TIAM1: variants seen among roughly 807,000 people sequenced by gnomAD.
TIAM1 encodes the protein TIAM Rac1 associated GEF 1, also known as rho guanine nucleotide exchange factor TIAM1.
A neutral mutation model predicts 163.5 loss-of-function variants in TIAM1; 65 were observed. The observed-to-expected ratio is 0.40, with a 90% CI of 0.33 to 0.49. The LOEUF (loss-of-function observed/expected upper bound fraction) is 0.49, where lower values mean the gene tolerates loss of function less well. Among genes scored for constraint, TIAM1 ranks in the 20% least tolerant of loss-of-function variants. TIAM1 has a pLI of 0.77. For missense variants in TIAM1, 1,789 were observed against 2,044.7 expected (o/e 0.87, Z 2.41); for synonymous variants, 833 against 810.1 (o/e 1.03, Z -0.48).
intron 16 of TIAM1, 58 bp downstream of exon 16, chr21:31,164,904 G>A: frequency 6.5e-7 from 1 of 1,544,538 alleles, no homozygotes; most frequent in South Asian, 1.1e-5. Flanking sequence ...AGGTGACATT[G>A]TCAGCTGTGA....
chr21:31,439,239 T>C (rs2044331759), intron 2 of TIAM1, among the ~76,000 whole-genome samples: 1 of 152,190 alleles, frequency 6.6e-6, no homozygotes. Context: ...CATCTTTCCT[T>C]GAACCCACAG....
At chr21:31,132,851 C>T (rs1024185328) in intron 23 of TIAM1, among the ~76,000 whole-genome samples, 1 of 152,198 alleles carries the variant, frequency 6.6e-6, no homozygotes, top group African/African-American at 2.4e-5. Context: ...TGCCCCAAAA[C>T]GTGAATGTCA....
At chr21:31,303,667 A>G (rs1313570470) in intron 2 of TIAM1, among the ~76,000 whole-genome samples, 1 of 152,112 alleles carries the variant, frequency 6.6e-6, no homozygotes, top group Non-Finnish European at 1.5e-5. Context: ...ACCCTCAGGG[A>G]AAAAAATCAC....
intron 26 of TIAM1, 138 bp downstream of exon 26, chr21:31,126,927 C>G: frequency 1.3e-6 from 1 of 768,216 alleles, no homozygotes; most frequent in East Asian, 2.7e-5. Flanking sequence ...CTCCTCCCAG[C>G]TGACTCTCCA....
chr21:31,500,640 T>C (rs2147445750), intron 1 of TIAM1, among the ~76,000 whole-genome samples: 1 of 152,142 alleles, frequency 6.6e-6, no homozygotes, highest in Admixed American at 6.5e-5. Context: ...TTTAGCATCC[T>C]CAGGAGGAGG....
chr21:31,160,068 G>A (rs1160230802), intron 16 of TIAM1, among the ~76,000 whole-genome samples: 2 of 152,118 alleles, frequency 1.3e-5, no homozygotes, highest in African/African-American at 4.8e-5. Context: ...AGGGGGGATG[G>A]GAGATTCTCA....
intron 1 of TIAM1, among the ~76,000 whole-genome samples, chr21:31,542,267 TA>T (rs1034448383): frequency 1.3e-4 from 19 of 148,416 alleles, no homozygotes; most frequent in African/African-American, 4.4e-4. Flanking sequence ...CTACTAAAAA[TA>T]AAAAAAAAAT....
At chr21:31,555,036 T>A (rs2048826549) in intron 1 of TIAM1, among the ~76,000 whole-genome samples, 1 of 152,192 alleles carries the variant, frequency 6.6e-6, no homozygotes, top group Non-Finnish European at 1.5e-5. Flanking sequence ...CACCTAACTA[T>A]TAATATCGTG....
At chr21:31,170,922 G>C (rs1199147500) in intron 15 of TIAM1, among the ~76,000 whole-genome samples, 1 of 151,212 alleles carries the variant, frequency 6.6e-6, no homozygotes, top group African/African-American at 2.4e-5. Flanking sequence ...TATAATCCCA[G>C]CTACTCAGGA....
At position 31,135,979 on chromosome 21, in the gene TIAM1, C is replaced by T. The variant is rs760901292; in HGVS notation, c.3837G>A (p.Pro1279=). ...LHTTVIWLNP[P]ASLGKWKKEP... is the part of the protein sequence containing the mutation. Reference sequence around the variant, plus strand: ...CCTTTTTCCACTTGCCCAGCGAGGCCGGCGGGTTCAGCCAGATCACGGTAG... The same window carrying T: ...CCTTTTTCCACTTGCCCAGCGAGGCTGGCGGGTTCAGCCAGATCACGGTAG... Residue 1279 remains proline, a synonymous_variant, in exon 23 of 28, where the codon CCG becomes CCA. Coordinates refer to ENST00000541036, the MANE Select transcript of TIAM1 (RefSeq NM_001353694.2). 1.7e-5 allele frequency: 28 copies of T among 1,614,048 alleles called. No individual in the cohort carries two copies. The highest frequency in any genetic ancestry group is 2.7e-5 in the African/African-American group (2 of 74,904).
chr21:31,343,517 C>T (rs1032017738), intron 1 of TIAM1, among the ~76,000 whole-genome samples: 2 of 152,176 alleles, frequency 1.3e-5, no homozygotes, highest in Non-Finnish European at 2.9e-5. Context: ...AAACAAATCA[C>T]ACCTCCACAG....
At chr21:31,418,784 C>T (rs1569314019) in intron 2 of TIAM1, among the ~76,000 whole-genome samples, 1 of 152,136 alleles carries the variant, frequency 6.6e-6, no homozygotes, top group Non-Finnish European at 1.5e-5. Context: ...AAAATACCAG[C>T]GACACTGGAC....
chr21:31,496,725 A>T (rs2046667418), intron 1 of TIAM1, among the ~76,000 whole-genome samples: 2 of 151,994 alleles, frequency 1.3e-5, no homozygotes, highest in South Asian at 4.2e-4. Flanking sequence ...TCACTGACCC[A>T]CTCACCGCAA....
At chr21:31,486,274 G>C (rs532754158) in intron 1 of TIAM1, among the ~76,000 whole-genome samples, 3 of 152,134 alleles carry the variant, frequency 2.0e-5, no homozygotes, top group African/African-American at 7.2e-5. Context: ...AAATGAAAAC[G>C]CTCGCCCTCT....
intron 14 of TIAM1, among the ~76,000 whole-genome samples, chr21:31,183,239 G>C (rs2085122122): frequency 6.6e-6 from 1 of 152,120 alleles, no homozygotes; most frequent in African/African-American, 2.4e-5. Flanking sequence ...TCTGAACCTT[G>C]GGATGAATCT....
chr21:31,150,386 A>T (rs2083321030), intron 19 of TIAM1, among the ~76,000 whole-genome samples: 1 of 152,066 alleles, frequency 6.6e-6, no homozygotes, highest in African/African-American at 2.4e-5. Flanking sequence ...GATTCCTGCA[A>T]GTGTTAGAAG....
intron 1 of TIAM1, among the ~76,000 whole-genome samples, chr21:31,484,687 G>C (rs2046216762): frequency 6.6e-6 from 1 of 152,160 alleles, no homozygotes; most frequent in Non-Finnish European, 1.5e-5. Flanking sequence ...CAGGAAGGGA[G>C]GCCTGAGAGA....
intron 16 of TIAM1, 145 bp from the exon 17 acceptor site, chr21:31,154,571 AT>A: frequency 2.5e-6 from 2 of 794,128 alleles, no homozygotes; most frequent in Non-Finnish European, 1.9e-6. Flanking sequence ...ATTGCTCCAC[AT>A]TTAGGAGAGC....
At chr21:31,530,683 C>A (rs756130770) in intron 1 of TIAM1, among the ~76,000 whole-genome samples, 2 of 152,182 alleles carry the variant, frequency 1.3e-5, no homozygotes, top group African/African-American at 2.4e-5. Flanking sequence ...CCACACTGAG[C>A]CATCAGCTGT....
Sources: allele counts gnomAD v4.1 joint callset (sites outside exome capture counted in the v4.1 genomes callset), GRCh38; gene constraint gnomAD v4.1.1; transcripts MANE v1.5; gene names NCBI Gene and HGNC (gene_info 2026-07-23, HGNC 2026-07-21).